SYNE1: variants seen among roughly 807,000 people sequenced by gnomAD.
The protein encoded by SYNE1 is spectrin repeat containing nuclear envelope protein 1.
In SYNE1, 616 loss-of-function variants were observed where a neutral mutation model predicts 1,111.0. That is an observed-to-expected ratio of 0.55 (90% CI 0.52 to 0.59). SYNE1 has a LOEUF of 0.59. SYNE1 is among the 20% of genes least tolerant of loss of function. The pLI is 0.00. For synonymous variants in SYNE1, 3,855 were observed against 3,825.8 expected (o/e 1.01, Z -0.28); for missense variants, 10,006 against 10,417.0 (o/e 0.96, Z 1.72).
chr6:152,503,624 C>T (rs2099042027), intron 9 of SYNE1, among the ~76,000 whole-genome samples: 1 of 152,110 alleles, frequency 6.6e-6, no homozygotes, highest in Non-Finnish European at 1.5e-5. Flanking sequence ...TAAAACTAAT[C>T]TAATCTTTCG....
chr6:152,324,053 G>A (rs1303048419), intron 81 of SYNE1, among the ~76,000 whole-genome samples: 2 of 152,138 alleles, frequency 1.3e-5, no homozygotes, highest in African/African-American at 2.4e-5. Context: ...ATAAATGAGT[G>A]CCTTTAAATC....
rs376918337 is a variant in SYNE1 at position 152,155,049 on chromosome 6, C to G, written c.23979-7G>C. 1 of 1,613,814 alleles carries G rather than the reference C, an allele frequency of 6.2e-7. No homozygotes were observed. The highest frequency in any genetic ancestry group is 8.5e-7 in the Non-Finnish European group (1 of 1,179,946). On this transcript the variant is annotated splice_region_variant and splice_polypyrimidine_tract_variant and intron_variant, in intron 132 of 145. Coordinates refer to ENST00000367255, the MANE Select transcript of SYNE1 (RefSeq NM_182961.4). ...TCGCCACGTCTCTTCGATTCTGGGG[C>G]GGAAAATGAAAGAACAGATTCAGAT...
intron 84 of SYNE1, among the ~76,000 whole-genome samples, chr6:152,320,923 C>T (rs1013834134): frequency 4.6e-5 from 7 of 152,196 alleles, no homozygotes; most frequent in Non-Finnish European, 8.8e-5. Context: ...TGGAAGAGTC[C>T]CTGGCACACT....
At chr6:152,364,463 T>TTG (rs573627102) in intron 63 of SYNE1, among the ~76,000 whole-genome samples, 26 of 151,882 alleles carry the variant, frequency 1.7e-4, no homozygotes, top group African/African-American at 6.0e-4. Context: ...CTTTTTTTTT[T>TTG]TGTATTTTTA....
intron 5 of SYNE1, among the ~76,000 whole-genome samples, chr6:152,525,086 G>C (rs914956690): frequency 2.6e-5 from 4 of 152,148 alleles, no homozygotes; most frequent in African/African-American, 9.7e-5. Flanking sequence ...ATGAGACATG[G>C]GGTGCCAGAA....
intron 45 of SYNE1, 114 bp downstream of exon 45, chr6:152,406,900 A>G: frequency 1.4e-6 from 1 of 732,604 alleles, no homozygotes; most frequent in Non-Finnish European, 1.9e-6. Flanking sequence ...AATAAAATAA[A>G]ATAAAAAATA....
At chr6:152,421,021 C>A (rs1369126223) in intron 39 of SYNE1, among the ~76,000 whole-genome samples, 2 of 152,180 alleles carry the variant, frequency 1.3e-5, no homozygotes, top group African/African-American at 4.8e-5. Flanking sequence ...TTTACCAAGG[C>A]TTTGACTGGA....
chr6:152,149,051 T>TC (rs1430143605), intron 136 of SYNE1, among the ~76,000 whole-genome samples: 2 of 152,214 alleles, frequency 1.3e-5, no homozygotes, highest in Non-Finnish European at 2.9e-5. Context: ...AAGAAGCTGT[T>TC]CACTTTGCTT....
chr6:152,439,113 G>A (rs1350211177), intron 32 of SYNE1, among the ~76,000 whole-genome samples: 7 of 151,992 alleles, frequency 4.6e-5, no homozygotes, highest in Admixed American at 6.6e-5. Flanking sequence ...TAATTAATTC[G>A]GCATATTATA....
intron 97 of SYNE1, among the ~76,000 whole-genome samples, chr6:152,280,391 T>C (rs1409430849): frequency 6.6e-6 from 1 of 152,218 alleles, no homozygotes; most frequent in Non-Finnish European, 1.5e-5. Flanking sequence ...GCCTTGAATG[T>C]AGCCAACACA....
At position 152,356,801 on chromosome 6, in the gene SYNE1, A is replaced by G. The variant is rs961416321; in HGVS notation, c.10608+1572T>C. On this transcript the variant is annotated intron_variant, in intron 66 of 145. Coordinates refer to ENST00000367255, the MANE Select transcript of SYNE1 (RefSeq NM_182961.4). ...CAATAGAAAATGTAAGAATTAATGCATGGTGAAATCAGGGGGAGGTTAGGT... is the reference window on the plus strand; with the variant it reads ...CAATAGAAAATGTAAGAATTAATGCGTGGTGAAATCAGGGGGAGGTTAGGT... 4.6e-5 allele frequency among the ~76,000 whole-genome samples: 7 copies of G among 152,268 alleles called. No homozygotes were observed. In the East Asian group the frequency reaches 5.8e-4, roughly 13 times the overall value.
At chr6:152,605,024 G>A (rs1456995187) in intron 3 of SYNE1, among the ~76,000 whole-genome samples, 3 of 72,966 alleles carry the variant, frequency 4.1e-5, no homozygotes, top group African/African-American at 1.9e-4. Context: ...GAGAGAGAGA[G>A]AGAGAGAGAG....
At chr6:152,480,307 G>A (rs532091368) in intron 14 of SYNE1, among the ~76,000 whole-genome samples, 7 of 151,934 alleles carry the variant, frequency 4.6e-5, no homozygotes, top group Non-Finnish European at 1.0e-4. Context: ...GATCACTTGA[G>A]GTCAGGAGTT....
Position 152,318,181 on chromosome 6 carries a change from C to A in SYNE1, c.16472G>T (p.Gly5491Val), listed in dbSNP as rs530429418. Residue 5491 changes from glycine (G) to valine (V), a missense_variant, in exon 86 of 146, where the codon GGC becomes GTC. Around this residue, in one of 7 missense-constraint regions of SYNE1, gnomAD observed 4,955 missense variants for 5,017.2 expected, o/e 0.99. Coordinates refer to ENST00000367255, the MANE Select transcript of SYNE1 (RefSeq NM_182961.4). Reference protein sequence around the residue: ...AAVQKFLEQNGQLGKPLAKKI... With the variant: ...AAVQKFLEQNVQLGKPLAKKI... ...CTTGGCCAGTGGCTTACCCAGTTGG[C>A]CATTCTGTTCCAAGAATTTCTGTAC... The A allele has an allele frequency of 5.9e-5, 96 of 1,614,110 alleles. 2 individuals carry two copies. In the South Asian group the frequency reaches 8.9e-4, roughly 15 times the overall value.
At chr6:152,520,422 T>A in intron 6 of SYNE1, 37 bp downstream of exon 6, 1 of 1,602,150 alleles carries the variant, frequency 6.2e-7, no homozygotes, top group Non-Finnish European at 8.5e-7. Context: ...TGCCCACACC[T>A]TCTTCCTTGG....
At position 152,326,480 on chromosome 6, in the gene SYNE1, C is replaced by A; in HGVS notation, c.15109G>T (p.Glu5037Ter). ...SAEENLKSHM[E>*]FFSTEDQFHS... is the part of the protein sequence containing the mutation. ...AACTGATCCTCTGTACTGAAAAATT[C>A]CATGTGGCTTTTGAGATTTTCCTCT... Residue 5037 changes from glutamate to a stop codon, truncating the protein, a stop_gained, in exon 79 of 146, where the codon GAA becomes TAA. Coordinates refer to ENST00000367255, the MANE Select transcript of SYNE1 (RefSeq NM_182961.4). LOFTEE classifies it high-confidence loss of function. 1 of 1,614,210 alleles carries A rather than the reference C, an allele frequency of 6.2e-7. No individual in the cohort carries two copies. Among genetic ancestry groups the A allele is most frequent in the Non-Finnish European group, 8.5e-7 (1 of 1,180,040 alleles).
At chr6:152,562,242 A>G (rs2099397401) in intron 3 of SYNE1, among the ~76,000 whole-genome samples, 1 of 152,166 alleles carries the variant, frequency 6.6e-6, no homozygotes, top group Admixed American at 6.6e-5. Context: ...CGGGCAAAGG[A>G]CCTGACTAGA....
chr6:152,371,982 G>C (rs1188303191), intron 59 of SYNE1, among the ~76,000 whole-genome samples: 1 of 150,952 alleles, frequency 6.6e-6, no homozygotes, highest in African/African-American at 2.5e-5. Flanking sequence ...AGAAAGGAAG[G>C]GAAAAAGGAA....
intron 119 of SYNE1, 91 bp from the exon 120 acceptor site, chr6:152,219,276 C>T (rs1245672238): frequency 1.6e-6 from 2 of 1,235,038 alleles, no homozygotes; most frequent in East Asian, 4.7e-5. Context: ...TGTAGAAACA[C>T]ACCATTCCTA....
Sources: allele counts gnomAD v4.1 joint callset (sites outside exome capture counted in the v4.1 genomes callset), GRCh38; gene constraint gnomAD v4.1.1; regional missense constraint gnomAD v4.1.1; transcripts MANE v1.5; gene names NCBI Gene and HGNC (gene_info 2026-07-23, HGNC 2026-07-21).